The following DSCAM variants were observed in gnomAD, a reference collection of about 807,000 sequenced individuals.
The protein encoded by DSCAM is DS cell adhesion molecule, also known as cell adhesion molecule DSCAM.
Under a neutral mutation model 217.7 loss-of-function variants are expected in DSCAM, and 47 were observed. That is an observed-to-expected ratio of 0.22 (90% confidence interval 0.17 to 0.28). The LOEUF (loss-of-function observed/expected upper bound fraction) is 0.28. Ranked by LOEUF, DSCAM falls within the 10% of genes least tolerant of loss-of-function variation. The probability of loss-of-function intolerance (pLI) is 1.00; values close to 1 mark genes in which losing one functional copy is unlikely to be tolerated. For missense variants in DSCAM, 2,080 were observed against 2,618.3 expected (o/e 0.79, Z 4.49); for synonymous variants, 1,056 against 1,015.3 (o/e 1.04, Z -0.76).
At chr21:40,488,140 A>G (rs1165778072) in intron 3 of DSCAM, among the ~76,000 whole-genome samples, 1 of 152,178 alleles carries the variant, frequency 6.6e-6, no homozygotes, top group Non-Finnish European at 1.5e-5. Flanking sequence ...TTATGCACCC[A>G]TTCTCAATGA....
intron 6 of DSCAM, among the ~76,000 whole-genome samples, 177 bp downstream of exon 6, chr21:40,347,493 C>T (rs2074571511): frequency 1.3e-5 from 2 of 152,284 alleles, no homozygotes; most frequent in South Asian, 4.1e-4. Flanking sequence ...TTATTTTCGT[C>T]AGAACTTTCT....
At chr21:40,030,598 A>C (rs1367747053) in intron 32 of DSCAM, among the ~76,000 whole-genome samples, 3 of 152,298 alleles carry the variant, frequency 2.0e-5, no homozygotes, top group Non-Finnish European at 2.9e-5. Flanking sequence ...ACGACCCTTC[A>C]AACACTCCCA....
At chr21:40,627,649 T>C (rs1349495588) in intron 3 of DSCAM, among the ~76,000 whole-genome samples, 1 of 152,226 alleles carries the variant, frequency 6.6e-6, no homozygotes, top group African/African-American at 2.4e-5. Flanking sequence ...CATATATCTA[T>C]AAGATGCTGT....
chr21:40,187,909 T>A lies in DSCAM; in HGVS notation c.2632A>T (p.Ile878Phe). ...TTCCTACCTTGCACTGTGAGCTGAA[T>A]TATTCCACGGTCCTCCCCATAAGAA... ...INSYGEDRGI[I>F]QLTVQEPPDP... Residue 878 changes from isoleucine to phenylalanine, a missense_variant, in exon 13 of 33, where the codon ATT becomes TTT. Physicochemically the swap from Ile to Phe is conservative, Grantham distance 21. Coordinates refer to ENST00000400454, the MANE Select transcript of DSCAM (RefSeq NM_001389.5). 1.2e-6 allele frequency: 2 copies of A among 1,614,098 alleles called. No individual in the cohort carries two copies. The highest frequency in any genetic ancestry group is 4.5e-5 in the East Asian group (2 of 44,890).
Position 40,097,961 on chromosome 21 carries a change from AGAAAGAAAGAAAGAAAGAAAGAAAGAAAG to A in DSCAM, c.3697-4116_3697-4088del, listed in dbSNP as rs2089701511. Among the ~76,000 whole-genome samples the A allele has an allele frequency of 1.1e-4, 7 of 62,466 alleles. 1 individual carries two copies. The highest frequency in any genetic ancestry group is 6.3e-4 in the African/African-American group (7 of 11,096). 41.0% of individuals were successfully genotyped at this position (62,466 alleles called of 152,430 possible). ...GTCTCAAAAAAAAAAAAAAAAAGAAAGAAAGAAAGAAAGAAAGAAAGAAAGAAAGAAAGAAAGAAAGAAAGAAAGAAAGA... is the reference window on the plus strand; with the variant it reads ...GTCTCAAAAAAAAAAAAAAAAAGAAAAAAGAAAGAAAGAAAGAAAGAAAGA... On this transcript the variant is annotated intron_variant, in intron 20 of 32. Transcript: ENST00000400454.
At chr21:40,730,580 T>C (rs959329040) in intron 1 of DSCAM, among the ~76,000 whole-genome samples, 9 of 152,164 alleles carry the variant, frequency 5.9e-5, no homozygotes, top group Non-Finnish European at 1.3e-4. Flanking sequence ...ATAACGCCCA[T>C]AGCATCTATC....
At chr21:40,068,348 C>T (rs1335790385) in intron 27 of DSCAM, among the ~76,000 whole-genome samples, 2 of 152,020 alleles carry the variant, frequency 1.3e-5, no homozygotes, top group African/African-American at 4.8e-5. Context: ...GGACAGAATA[C>T]TCTCAAGTAT....
rs373315673 is a variant in DSCAM, at chr21:40,324,446, T to C, written c.1784-12087A>G. ...TCCAAAAAAAATGGATGCCCTGCAA[T>C]ATTGTCAACCAGATGCCTAAAGGGG... On this transcript the variant is annotated intron_variant, in intron 8 of 32. Transcript: ENST00000400454. Among the ~76,000 whole-genome samples, 6 of 152,300 alleles carry C rather than the reference T, an allele frequency of 3.9e-5. No homozygotes were observed. The East Asian group carries it at 7.7e-4, about 20-fold the overall frequency.
At chr21:40,346,996 T>G (rs928160617) in intron 6 of DSCAM, among the ~76,000 whole-genome samples, 1 of 152,114 alleles carries the variant, frequency 6.6e-6, no homozygotes, top group Admixed American at 6.6e-5. Context: ...GGGCCAGAGA[T>G]GCTGCCAAAG....
chr21:40,192,621 C>T (rs1015632770), intron 11 of DSCAM, among the ~76,000 whole-genome samples: 2 of 152,134 alleles, frequency 1.3e-5, no homozygotes, highest in Non-Finnish European at 2.9e-5. Context: ...TAACACAATA[C>T]CCGTATTACC....
At chr21:40,167,104 G>T in intron 16 of DSCAM, 114 bp downstream of exon 16, 2 of 926,246 alleles carry the variant, frequency 2.2e-6, no homozygotes, top group Non-Finnish European at 3.2e-6. Context: ...ACTTAATTTT[G>T]AAAAAATAAA....
intron 1 of DSCAM, among the ~76,000 whole-genome samples, chr21:40,788,163 C>T (rs2091609979): frequency 1.3e-5 from 2 of 152,214 alleles, no homozygotes; most frequent in Admixed American, 6.5e-5. Context: ...GAAATGAATG[C>T]ATGTTATTCA....
intron 3 of DSCAM, among the ~76,000 whole-genome samples, chr21:40,508,886 C>A (rs1259806032): frequency 6.8e-6 from 1 of 148,006 alleles, no homozygotes; most frequent in African/African-American, 2.5e-5. Context: ...AATCCTCCTG[C>A]CTAGCCTCCC....
intron 3 of DSCAM, among the ~76,000 whole-genome samples, chr21:40,597,631 C>T (rs559934886): frequency 2.0e-5 from 3 of 151,348 alleles, no homozygotes; most frequent in Non-Finnish European, 4.4e-5. Flanking sequence ...CTCAGCCTCC[C>T]AAGTAGCTGG....
chr21:40,063,950 G>A (rs12627061), intron 27 of DSCAM, among the ~76,000 whole-genome samples: 2 of 151,864 alleles, frequency 1.3e-5, no homozygotes, highest in Admixed American at 6.6e-5. Flanking sequence ...TGCACAGATG[G>A]GTTCAGCCTG....
chr21:40,832,928 C>T (rs1010955249), intron 1 of DSCAM, among the ~76,000 whole-genome samples: 3 of 15,088 alleles, frequency 2.0e-4, no homozygotes, highest in African/African-American at 6.0e-4. Context: ...TAACGAACCT[C>T]ACCTCAAAAA....
intron 10 of DSCAM, among the ~76,000 whole-genome samples, chr21:40,293,082 T>C (rs558538442): frequency 1.3e-5 from 2 of 152,254 alleles, no homozygotes; most frequent in African/African-American, 4.8e-5. Flanking sequence ...ACCAAAAATA[T>C]GACATTCAAC....
chr21:40,685,893 C>T (rs937048933), intron 3 of DSCAM, among the ~76,000 whole-genome samples: 5 of 151,898 alleles, frequency 3.3e-5, no homozygotes, highest in Admixed American at 6.6e-5. Flanking sequence ...TGGGAGAGGA[C>T]TAGAGAAATC....
At chr21:40,781,423 A>G (rs1282385146) in intron 1 of DSCAM, among the ~76,000 whole-genome samples, 3 of 152,198 alleles carry the variant, frequency 2.0e-5, no homozygotes, top group Non-Finnish European at 4.4e-5. Context: ...CACTCTTCCA[A>G]TGTACATACA....
Sources: gnomAD v4.1 joint callset for allele counts (sites outside exome capture counted in the v4.1 genomes callset) on GRCh38, gnomAD v4.1.1 for gene constraint, MANE v1.5 for transcripts, NCBI Gene and HGNC (gene_info 2026-07-23, HGNC 2026-07-21) for gene names.